Variants in ENO3 observed in about 807,000 individuals in gnomAD.
ENO3 encodes the protein beta-enolase.
A neutral mutation model predicts 47.7 loss-of-function variants in ENO3; 46 were observed. The observed-to-expected ratio is 0.96, with a 90% CI of 0.76 to 1.23. ENO3 has a LOEUF of 1.23. ENO3 is among the 50% of genes most tolerant of loss of function. ENO3 has a pLI of 0.00. For missense variants in ENO3, 575 were observed against 566.2 expected, an observed-to-expected ratio of 1.02 and a Z score of -0.16; for synonymous variants, 223 against 225.9, an observed-to-expected ratio of 0.99 and a Z score of 0.11.
intron 2 of ENO3, chr17:4,952,434 C>T (rs942477833): frequency 3.2e-5 from 11 of 348,180 alleles, no homozygotes; most frequent in African/African-American, 1.9e-4. Context: ...AGCTCCGCCT[C>T]CCGGGTTCAC....
upstream of ENO3, chr17:4,951,006 G>T: frequency 1.0e-6 from 1 of 983,342 alleles, no homozygotes; most frequent in Non-Finnish European, 1.2e-6. Flanking sequence ...GCTGTAGTGG[G>T]CACTTGGCTG....
chr17:4,955,451 G>T lies in ENO3; in HGVS notation c.712G>T (p.Asp238Tyr). 3 of 1,614,248 alleles carry T rather than the reference G, an allele frequency of 1.9e-6. No individual in the cohort carries two copies. Among genetic ancestry groups the T allele is most frequent in the Non-Finnish European group, 2.5e-6 (3 of 1,180,052 alleles). ...GGCCATCCAGGCGGCTGGTTACCCA[G>T]ACAAGGTGGTGATCGGCATGGATGT... ...KTAIQAAGYP[D>Y]KVVIGMDVAA... The change falls in exon 8 of 12, where the codon GAC becomes TAC. Residue 238 changes from aspartate to tyrosine, a missense_variant. By Grantham distance (160) the Asp-to-Tyr change is radical. Coordinates refer to ENST00000519602, the MANE Select transcript of ENO3 (RefSeq NM_053013.4).
At chr17:4,954,185 C>T (rs972561306) in intron 6 of ENO3, 5 of 399,600 alleles carry the variant, frequency 1.3e-5, no homozygotes, top group Admixed American at 8.0e-5. Flanking sequence ...TTTGTATCTT[C>T]TTGAGTCCTT....
At chr17:4,956,265 C>A in intron 9 of ENO3, 122 bp downstream of exon 9, 1 of 1,194,340 alleles carries the variant, frequency 8.4e-7, no homozygotes, top group Non-Finnish European at 1.2e-6. Flanking sequence ...GACTTACCCA[C>A]ACCTTGATCT....
chr17:4,954,368 G>A (rs1451378509), intron 6 of ENO3: 2 of 182,556 alleles, frequency 1.1e-5, no homozygotes, highest in Non-Finnish European at 2.3e-5. Context: ...TTTTAGGCAA[G>A]TTCTTTAACT....
At position 4,955,540 on chromosome 17, in the gene ENO3, C is replaced by G; in HGVS notation, c.801C>G (p.Pro267=). 1.9e-6 allele frequency: 3 copies of G among 1,614,216 alleles called. No individual in the cohort carries two copies. Among genetic ancestry groups the G allele is most frequent in the Non-Finnish European group, 2.5e-6 (3 of 1,180,036 alleles). The change falls in exon 8 of 12, where the codon CCC becomes CCG. Residue 267 remains proline (P), a synonymous_variant. Transcript: ENST00000519602. The part of the protein sequence containing the change: ...YDLDFKSPDD[P]ARHITGEKLG... Reference sequence around the variant, plus strand: ...TTGACTTCAAGTCGCCTGATGATCCCGCACGGCACATCACTGGGGAGAAGC... The same window carrying G: ...TTGACTTCAAGTCGCCTGATGATCCGGCACGGCACATCACTGGGGAGAAGC...
At chr17:4,949,301 T>C (rs1335692243), upstream of ENO3, 1 of 152,300 alleles carries the variant, frequency 6.6e-6, no homozygotes, top group African/African-American at 2.4e-5. Context: ...CAGGTTGGGT[T>C]CACCAGGGCC....
Position 4,955,346 on chromosome 17 carries a change from G to C in ENO3, c.667+49G>C, listed in dbSNP as rs771940652. On this transcript the variant is annotated intron_variant, in intron 7 of 11. Transcript: ENST00000519602. ...GCAGACCCCCTGGATCTCCACATGG[G>C]CAGGGGAGGCTGCAGACAAGGGGCA... The C allele has an allele frequency of 1.1e-5, 18 of 1,613,992 alleles. No homozygotes were observed. The South Asian group carries it at 2.0e-4, about 18-fold the overall frequency.
In ENO3 at chr17:4,952,796, C is replaced by G. The variant is rs771319383; in HGVS notation, c.87C>G (p.Gly29=). 3 of 1,607,762 alleles carry G rather than the reference C, an allele frequency of 1.9e-6. No homozygotes were observed. In the South Asian group the frequency reaches 3.3e-5, roughly 18 times the overall value. ...TVEVDLHTAK[G]RFRAAVPSGA... is the part of the protein sequence containing the mutation. ...ATCTTCCAATTCCTCCTGTCCCAGG[C>G]CGATTCCGAGCAGCTGTGCCCAGTG... is the stretch of plus-strand genomic sequence containing the variant. The change falls in exon 3 of 12, where the codon GGC becomes GGG. Residue 29 remains glycine (G), a splice_region_variant and synonymous_variant. Coordinates refer to ENST00000519602, the MANE Select transcript of ENO3 (RefSeq NM_053013.4).
intron 2 of ENO3, 182 bp downstream of exon 2, chr17:4,952,096 T>A: frequency 1.4e-6 from 1 of 712,356 alleles, no homozygotes; most frequent in East Asian, 2.8e-5. Context: ...AGTCTCTCTC[T>A]GCACTGCCTC....
At position 4,951,904 on chromosome 17, in the gene ENO3, C is replaced by A; in HGVS notation, c.75C>A (p.His25Gln). 6.2e-7 allele frequency: 1 copy of A among 1,614,190 alleles called. No homozygotes were observed. Among genetic ancestry groups the A allele is most frequent in the Non-Finnish European group, 8.5e-7 (1 of 1,180,004 alleles). ...RGNPTVEVDL[H>Q]TAKGRFRAAV... ...ACCCCACGGTGGAGGTGGACCTGCA[C>A]ACGGCCAAGGGTAACACAAGGCCCA... Residue 25 changes from histidine to glutamine, a missense_variant, in exon 2 of 12, where the codon CAC becomes CAA. Transcript: ENST00000519602.
intron 5 of ENO3, 117 bp from the exon 6 acceptor site, chr17:4,953,595 G>T: frequency 6.3e-7 from 1 of 1,584,098 alleles, no homozygotes; most frequent in South Asian, 1.1e-5. Context: ...CTGTTGGGGA[G>T]AGATCTGTTA....
rs1156389116 is a variant in ENO3, at chr17:4,955,934, C to G, written c.866-8C>G. On this transcript the variant is annotated splice_polypyrimidine_tract_variant and splice_region_variant and intron_variant, in intron 8 of 11. Coordinates refer to ENST00000519602, the MANE Select transcript of ENO3 (RefSeq NM_053013.4). ...TCTCTGCCCTGTCTCTGCTCCAAAC[C>G]CCACCAGTGGTCTCCATCGAAGACC... 1 of 1,613,324 alleles carries G rather than the reference C, an allele frequency of 6.2e-7. No individual in the cohort carries two copies. Among genetic ancestry groups the G allele is most frequent in the Non-Finnish European group, 8.5e-7 (1 of 1,179,924 alleles).
chr17:4,951,620 T>G, intron 1 of ENO3: 2 of 585,276 alleles, frequency 3.4e-6, no homozygotes, highest in Non-Finnish European at 6.1e-6. Flanking sequence ...AAGAGGCCCC[T>G]GGATTCTTAG....
At chr17:4,950,018 G>A (rs1971494349), upstream of ENO3, among the ~76,000 whole-genome samples, 1 of 151,860 alleles carries the variant, frequency 6.6e-6, no homozygotes, top group African/African-American at 2.4e-5. Context: ...GACTGGACGG[G>A]TGGCGGGGCA....
chr17:4,949,788 G>A (rs958393133), upstream of ENO3, among the ~76,000 whole-genome samples: 13 of 152,138 alleles, frequency 8.5e-5, no homozygotes, highest in Admixed American at 8.5e-4. Context: ...CGCATCCCTG[G>A]CGTCCACGCC....
At chr17:4,956,322 C>T in intron 9 of ENO3, 179 bp downstream of exon 9, 2 of 828,968 alleles carry the variant, frequency 2.4e-6, no homozygotes, top group Non-Finnish European at 1.9e-6. Flanking sequence ...AGAGCTTTGC[C>T]CCTGTGGCTC....
intron 2 of ENO3, chr17:4,952,160 C>T (rs1040771467): frequency 1.0e-5 from 6 of 602,880 alleles, no homozygotes; most frequent in Admixed American, 2.4e-5. Context: ...AGAGAGACTC[C>T]CTGTGAGGTC....
intron 2 of ENO3, 145 bp downstream of exon 2, chr17:4,952,059 C>G (rs771247026): frequency 1.1e-6 from 1 of 878,058 alleles, no homozygotes. Flanking sequence ...CAACGTGGAA[C>G]CAGAGCTGGA....
Sources: gnomAD v4.1 joint callset for allele counts (sites outside exome capture counted in the v4.1 genomes callset) on GRCh38, gnomAD v4.1.1 for gene constraint, MANE v1.5 for transcripts, NCBI Gene and HGNC (gene_info 2026-07-23, HGNC 2026-07-21) for gene names.